ABCC4: variants seen among roughly 807,000 people sequenced by gnomAD.
The protein encoded by ABCC4 is ATP binding cassette subfamily C member 4 (PEL blood group), also known as ATP-binding cassette sub-family C member 4.
Under a neutral mutation model 168.5 loss-of-function variants are expected in ABCC4, and 102 were observed. That is an observed-to-expected ratio of 0.61 (90% confidence interval 0.52 to 0.71). The LOEUF is 0.71. Among genes scored for constraint, ABCC4 ranks in the 30% least tolerant of loss-of-function variants. The pLI is 0.00. For missense variants in ABCC4, 1,402 were observed against 1,605.8 expected (o/e 0.87, Z 2.17); for synonymous variants, 617 against 590.7 (o/e 1.04, Z -0.65).
At chr13:95,204,976 C>T (rs1022941484) in intron 8 of ABCC4, among the ~76,000 whole-genome samples, 25 of 152,132 alleles carry the variant, frequency 1.6e-4, no homozygotes, top group African/African-American at 5.1e-4. Context: ...GTGGCCCTTC[C>T]GTCTGAAAAA....
intron 30 of ABCC4, among the ~76,000 whole-genome samples, chr13:95,022,102 G>A (rs978389592): frequency 1.3e-5 from 2 of 152,300 alleles, no homozygotes; most frequent in East Asian, 1.9e-4. Context: ...ATATCAAGTT[G>A]TAATCCCTAT....
At chr13:95,085,405 A>G (rs2034224555) in intron 20 of ABCC4, among the ~76,000 whole-genome samples, 1 of 152,162 alleles carries the variant, frequency 6.6e-6, no homozygotes, top group South Asian at 2.1e-4. Flanking sequence ...GTGCCACTGC[A>G]CTCCAGCCTG....
intron 19 of ABCC4, among the ~76,000 whole-genome samples, chr13:95,122,627 C>T (rs560669252): frequency 6.6e-6 from 1 of 152,154 alleles, no homozygotes; most frequent in African/African-American, 2.4e-5. Context: ...CATCAGGGGG[C>T]CTTCCCTCTC....
At chr13:95,222,915 C>T (rs1047388345) in intron 4 of ABCC4, among the ~76,000 whole-genome samples, 6 of 152,104 alleles carry the variant, frequency 3.9e-5, no homozygotes, top group Non-Finnish European at 8.8e-5. Flanking sequence ...CAACATCTTA[C>T]AATGCACGGA....
Position 95,083,272 on chromosome 13 carries a change from C to T in ABCC4, c.2554G>A (p.Gly852Ser). 1.9e-6 allele frequency: 3 copies of T among 1,613,846 alleles called. No homozygotes were observed. The highest frequency in any genetic ancestry group is 2.5e-6 in the Non-Finnish European group (3 of 1,179,870). Residue 852 changes from glycine (G) to serine (S), a missense_variant, in exon 21 of 31, where the codon GGT becomes AGT. Physicochemically the swap from Gly to Ser is moderately conservative, Grantham distance 56 (BLOSUM62 0). Transcript: ENST00000645237. ...DFIQTLLQVV[G>S]VVSVAVAVIP... is the part of the protein sequence containing the mutation. ...ACGGCCACAGCCACAGAGACCACAC[C>T]AACCACTTGTAGCAATGTCTGAAAT...
intron 3 of ABCC4, among the ~76,000 whole-genome samples, chr13:95,235,783 C>T (rs1002036234): frequency 2.6e-5 from 4 of 152,130 alleles, no homozygotes; most frequent in Non-Finnish European, 5.9e-5. Context: ...TATGTTTCTG[C>T]CCCCTACAAG....
intron 1 of ABCC4, among the ~76,000 whole-genome samples, chr13:95,259,743 G>T (rs899728594): frequency 6.6e-6 from 1 of 151,850 alleles, no homozygotes; most frequent in Admixed American, 6.6e-5. Flanking sequence ...GTTAGCAAAT[G>T]ATATAAACCC....
At chr13:95,035,604 T>C (rs923352922) in intron 29 of ABCC4, among the ~76,000 whole-genome samples, 15 of 152,232 alleles carry the variant, frequency 9.9e-5, no homozygotes, top group Non-Finnish European at 2.2e-4. Flanking sequence ...TTCTCTTTCT[T>C]GAGCTGCTTG....
intron 26 of ABCC4, among the ~76,000 whole-genome samples, chr13:95,056,622 C>T (rs1198954703): frequency 6.6e-6 from 1 of 150,868 alleles, no homozygotes; most frequent in Non-Finnish European, 1.5e-5. Context: ...ACCTCTTTTC[C>T]CTTTGAATTT....
chr13:95,138,136 GCACGTTACACTTTAC>G (rs1314804252), intron 19 of ABCC4, among the ~76,000 whole-genome samples: 3 of 152,072 alleles, frequency 2.0e-5, no homozygotes, highest in African/African-American at 7.2e-5. Context: ...CCACACACAA[GCACGTTACACTTTAC>G]CAATTAAAAC....
chr13:95,024,649 C>T (rs892072634), intron 30 of ABCC4, among the ~76,000 whole-genome samples: 4 of 152,098 alleles, frequency 2.6e-5, no homozygotes, highest in East Asian at 3.9e-4. Flanking sequence ...ATGTGTATGG[C>T]CCTAATTCAA....
chr13:95,284,210 A>G (rs919906265), intron 1 of ABCC4, among the ~76,000 whole-genome samples: 2 of 152,076 alleles, frequency 1.3e-5, no homozygotes, highest in Non-Finnish European at 2.9e-5. Flanking sequence ...TTTTTGAGAC[A>G]GGGTCTCACT....
chr13:95,242,921 GC>G (rs1308832156), intron 3 of ABCC4, among the ~76,000 whole-genome samples: 1 of 152,176 alleles, frequency 6.6e-6, no homozygotes, highest in Non-Finnish European at 1.5e-5. Flanking sequence ...ACTGGGAAGA[GC>G]TTTAGCTCCC....
chr13:95,216,748 G>A (rs571859715), intron 4 of ABCC4, among the ~76,000 whole-genome samples: 1 of 152,072 alleles, frequency 6.6e-6, no homozygotes, highest in African/African-American at 2.4e-5. Flanking sequence ...GATTGACAGT[G>A]ATTATTAAAA....
intron 25 of ABCC4, among the ~76,000 whole-genome samples, chr13:95,071,430 A>G (rs1013285565): frequency 5.9e-5 from 9 of 152,204 alleles, no homozygotes; most frequent in Admixed American, 2.6e-4. Context: ...TTAGGTATCA[A>G]ACAGAGTATC....
chr13:95,133,487 C>T (rs1443938493), intron 19 of ABCC4, among the ~76,000 whole-genome samples: 1 of 152,122 alleles, frequency 6.6e-6, no homozygotes, highest in Non-Finnish European at 1.5e-5. Context: ...CACATGCATC[C>T]ATTCCTGGAG....
intron 22 of ABCC4, among the ~76,000 whole-genome samples, 180 bp from the exon 23 acceptor site, chr13:95,074,504 G>A (rs975570773): frequency 3.3e-5 from 5 of 152,140 alleles, no homozygotes; most frequent in Admixed American, 1.3e-4. Flanking sequence ...CATACACAAT[G>A]GTACCGTGGC....
At chr13:95,060,813 C>T (rs1612388) in intron 26 of ABCC4, among the ~76,000 whole-genome samples, 124,157 of 152,160 alleles carry the variant, frequency 0.82, 50,689 homozygotes, top group South Asian at 0.9. Context: ...GACATTCACA[C>T]TGTTTTGCAG....
chr13:95,246,984 C>T lies in ABCC4; in HGVS notation c.297G>A (p.Thr99=), dbSNP rs977021736. 12 of 1,611,640 alleles carry T rather than the reference C, an allele frequency of 7.4e-6. No individual in the cohort carries two copies. Among genetic ancestry groups the T allele is most frequent in the Non-Finnish European group, 5.9e-6 (7 of 1,178,874 alleles). Residue 99 remains threonine, a synonymous_variant, in exon 3 of 31, where the codon ACG becomes ACA. Coordinates refer to ENST00000645237, the MANE Select transcript of ABCC4 (RefSeq NM_005845.5). ...ATGTAAAAGCTTTTACCTCAATTAACGTAAAAATTCCCAAAACTAAATAAG... is the reference window on the plus strand; with the variant it reads ...ATGTAAAAGCTTTTACCTCAATTAATGTAAAAATTCCCAAAACTAAATAAG... ...WKSYLVLGIF[T]LIEESAKVIQ...
Sources: allele counts gnomAD v4.1 joint callset (sites outside exome capture counted in the v4.1 genomes callset), GRCh38; gene constraint gnomAD v4.1.1; transcripts MANE v1.5; gene names NCBI Gene and HGNC (gene_info 2026-07-23, HGNC 2026-07-21).